KLHL29: variants seen among roughly 807,000 people sequenced by gnomAD.
The protein encoded by KLHL29 is kelch-like protein 29.
Under a neutral mutation model 80.4 loss-of-function variants are expected in KLHL29, and 21 were observed. The ratio of observed to expected loss-of-function variants is 0.26; its 90% CI spans 0.19 to 0.38. KLHL29 has a LOEUF of 0.38. KLHL29 is among the 10% of genes least tolerant of loss of function. The pLI is 1.00. For synonymous variants in KLHL29, 511 were observed against 526.8 expected (o/e 0.97, Z 0.41); for missense variants, 867 against 1,223.9 (o/e 0.71, Z 4.35).
In KLHL29 at chr2:23,479,280, G is replaced by A. The variant is rs959645770; in HGVS notation, c.-46+3613G>A. Among the ~76,000 whole-genome samples the A allele has an allele frequency of 2.6e-5, 4 of 151,572 alleles. No homozygotes were observed. The East Asian group carries it at 7.8e-4, about 29-fold the overall frequency. On this transcript the variant is annotated intron_variant, in intron 2 of 13. Transcript: ENST00000486442. ...GCCCAGATCCCTCAACAGAACCTCAGCCGAACCCTCAGCCCTACACAGGCA... is the reference window on the plus strand; with the variant it reads ...GCCCAGATCCCTCAACAGAACCTCAACCGAACCCTCAGCCCTACACAGGCA...
chr2:23,450,202 A>G (rs1439985894), intron 1 of KLHL29, among the ~76,000 whole-genome samples: 1 of 151,752 alleles, frequency 6.6e-6, no homozygotes, highest in African/African-American at 2.4e-5. Context: ...TGGAGCTTTC[A>G]TCTCGCCTCT....
At chr2:23,581,919 A>G (rs918385691) in intron 3 of KLHL29, among the ~76,000 whole-genome samples, 1 of 151,572 alleles carries the variant, frequency 6.6e-6, no homozygotes, top group African/African-American at 2.4e-5. Context: ...TCCACCTTTG[A>G]AAAACTCTCC....
intron 2 of KLHL29, among the ~76,000 whole-genome samples, chr2:23,480,831 C>A (rs948767365): frequency 6.6e-6 from 1 of 152,196 alleles, no homozygotes; most frequent in Admixed American, 6.5e-5. Flanking sequence ...AGAATATCTG[C>A]TGCCCTCCAT....
chr2:23,539,224 G>T (rs1346407580), intron 2 of KLHL29, among the ~76,000 whole-genome samples: 2 of 151,966 alleles, frequency 1.3e-5, no homozygotes, highest in Middle Eastern at 3.2e-3. Flanking sequence ...TCTCTGTTAC[G>T]TTCAATTCTG....
intron 3 of KLHL29, among the ~76,000 whole-genome samples, chr2:23,589,510 T>C (rs1668204026): frequency 6.6e-6 from 1 of 152,204 alleles, no homozygotes; most frequent in African/African-American, 2.4e-5. Flanking sequence ...TCCACACTGC[T>C]GTGGAGATGT....
chr2:23,641,098 C>A (rs1404413681), intron 4 of KLHL29, among the ~76,000 whole-genome samples: 1 of 152,130 alleles, frequency 6.6e-6, no homozygotes, highest in Admixed American at 6.5e-5. Context: ...CCATTTGGGC[C>A]ATGGAGACCT....
intron 3 of KLHL29, among the ~76,000 whole-genome samples, chr2:23,572,210 C>T (rs1035620944): frequency 2.6e-5 from 4 of 152,312 alleles, no homozygotes; most frequent in African/African-American, 7.2e-5. Context: ...ACTTTAGCCA[C>T]GCTGAAATTC....
intron 2 of KLHL29, among the ~76,000 whole-genome samples, chr2:23,547,213 G>A (rs1667000727): frequency 1.3e-5 from 2 of 152,234 alleles, no homozygotes; most frequent in Admixed American, 6.5e-5. Context: ...TGGGGAGGCT[G>A]AAGCAGCAGT....
intron 1 of KLHL29, among the ~76,000 whole-genome samples, chr2:23,400,689 A>T (rs1166932642): frequency 6.6e-6 from 1 of 152,106 alleles, no homozygotes; most frequent in African/African-American, 2.4e-5. Context: ...AAAAATGTTA[A>T]ATTAGCCAGA....
At chr2:23,420,786 C>T (rs1265930355) in intron 1 of KLHL29, among the ~76,000 whole-genome samples, 1 of 152,158 alleles carries the variant, frequency 6.6e-6, no homozygotes, top group African/African-American at 2.4e-5. Flanking sequence ...ACTGCTGAGG[C>T]CCATCTGTCA....
chr2:23,421,620 AGTGT>A (rs1282373913), intron 1 of KLHL29, among the ~76,000 whole-genome samples: 11 of 120,064 alleles, frequency 9.2e-5, no homozygotes, highest in African/African-American at 3.4e-4. Context: ...TGTGTGTCTG[AGTGT>A]GTGTTCATGT....
intron 5 of KLHL29, among the ~76,000 whole-genome samples, chr2:23,652,798 T>A (rs1453610856): frequency 6.6e-6 from 1 of 152,206 alleles, no homozygotes; most frequent in Non-Finnish European, 1.5e-5. Flanking sequence ...GAAAAAATTG[T>A]CTCCAGAGTC....
chr2:23,422,701 A>C (rs1662854849), intron 1 of KLHL29, among the ~76,000 whole-genome samples: 1 of 138,348 alleles, frequency 7.2e-6, no homozygotes, highest in Admixed American at 7.3e-5. Flanking sequence ...TCTGGGTGTC[A>C]TGCGGTCCGC....
chr2:23,518,140 C>T (rs534274699), intron 2 of KLHL29, among the ~76,000 whole-genome samples: 1 of 152,240 alleles, frequency 6.6e-6, no homozygotes, highest in African/African-American at 2.4e-5. Flanking sequence ...CAGACAAGTC[C>T]GGTGGGCTGG....
intron 1 of KLHL29, among the ~76,000 whole-genome samples, chr2:23,465,301 A>G (rs1664317775): frequency 6.6e-6 from 1 of 152,234 alleles, no homozygotes; most frequent in Admixed American, 6.5e-5. Context: ...GGAGGCTGTC[A>G]GTGCTGCACC....
At chr2:23,537,985 A>G (rs1326924611) in intron 2 of KLHL29, among the ~76,000 whole-genome samples, 1 of 152,196 alleles carries the variant, frequency 6.6e-6, no homozygotes. Flanking sequence ...CTGTAAAGGA[A>G]AGTTGCTCCA....
intron 1 of KLHL29, among the ~76,000 whole-genome samples, chr2:23,409,050 C>A (rs1000646624): frequency 1.3e-5 from 2 of 152,132 alleles, no homozygotes; most frequent in Non-Finnish European, 2.9e-5. Context: ...GACACACGTT[C>A]CCAGACTGAT....
At chr2:23,614,980 A>C (rs534574123) in intron 3 of KLHL29, among the ~76,000 whole-genome samples, 1 of 152,276 alleles carries the variant, frequency 6.6e-6, no homozygotes, top group East Asian at 1.9e-4. Context: ...CCAGCAAAAC[A>C]AGACTCCTCC....
intron 1 of KLHL29, among the ~76,000 whole-genome samples, chr2:23,454,675 GCA>G (rs1021339890): frequency 2.6e-5 from 4 of 152,006 alleles, no homozygotes; most frequent in Admixed American, 2.0e-4. Context: ...TATTTCATTT[GCA>G]CAGTCTCTCG....
Sources: allele counts gnomAD v4.1 joint callset (sites outside exome capture counted in the v4.1 genomes callset), GRCh38; gene constraint gnomAD v4.1.1; transcripts MANE v1.5; gene names NCBI Gene and HGNC (gene_info 2026-07-23, HGNC 2026-07-21).